RYR1: variants seen among roughly 807,000 people sequenced by gnomAD.
The protein encoded by RYR1 is central core disease of muscle.
In RYR1, 342 loss-of-function variants were observed where a neutral mutation model predicts 583.5. The ratio of observed to expected loss-of-function variants is 0.59; its 90% CI spans 0.54 to 0.64. The LOEUF is 0.64. RYR1 is among the 30% of genes least tolerant of loss of function. The pLI, the probability that RYR1 is intolerant of heterozygous loss-of-function variation, is 0.00. For synonymous variants in RYR1, 2,791 were observed against 2,822.5 expected, an observed-to-expected ratio of 0.99 and a Z score of 0.35; for missense variants, 6,032 against 6,917.2, an observed-to-expected ratio of 0.87 and a Z score of 4.54.
At chr19:38,457,003 G>A (rs1342908268) in intron 16 of RYR1, among the ~76,000 whole-genome samples, 10 of 118,544 alleles carry the variant, frequency 8.4e-5, no homozygotes, top group Non-Finnish European at 1.3e-4. Flanking sequence ...CTGAGATTGC[G>A]CCACTGCACT....
intron 76 of RYR1, among the ~76,000 whole-genome samples, 178 bp downstream of exon 76, chr19:38,529,235 A>C (rs756694347): frequency 1.2e-4 from 18 of 152,200 alleles, no homozygotes; most frequent in Non-Finnish European, 2.2e-4. Flanking sequence ...TAGTCCCAGC[A>C]ATCTGGGAGG....
At chr19:38,466,646 C>T (rs1178283724) in intron 24 of RYR1, among the ~76,000 whole-genome samples, 3 of 152,004 alleles carry the variant, frequency 2.0e-5, no homozygotes, top group Non-Finnish European at 4.4e-5. Context: ...GGATTACCGG[C>T]GGGTGCCACC....
intron 89 of RYR1, among the ~76,000 whole-genome samples, chr19:38,559,311 G>C (rs1408055927): frequency 7.0e-6 from 1 of 143,682 alleles, no homozygotes; most frequent in Non-Finnish European, 1.5e-5. Context: ...TTGGCTCACT[G>C]CAACATCCGC....
chr19:38,486,253 A>C (rs1474048700), intron 34 of RYR1, 51 bp downstream of exon 34: 1 of 1,610,798 alleles, frequency 6.2e-7, no homozygotes, highest in South Asian at 1.1e-5. Flanking sequence ...CCACATTCCC[A>C]AAACTCCAGA....
Position 38,573,307 on chromosome 19 carries a change from C to T in RYR1, c.14129C>T (p.Pro4710Leu), listed in dbSNP as rs370212445. ...GQWDRLVLNT[P>L]SFPSNYWDKF... ...TGGGACCGACTGGTGCTCAACACGC[C>T]GTAAGGACCCAGCCCCCACCTCAGG... The change falls in exon 96 of 106, where the codon CCG becomes CTG. Residue 4710 changes from proline (P) to leucine (L), a missense_variant and splice_region_variant. Pro to Leu is a moderately conservative substitution (Grantham distance 98). Transcript: ENST00000359596. 2.0e-5 allele frequency: 32 copies of T among 1,612,986 alleles called. No homozygotes were observed. The highest frequency in any genetic ancestry group is 2.5e-5 in the Non-Finnish European group (30 of 1,179,650).
intron 88 of RYR1, among the ~76,000 whole-genome samples, chr19:38,547,524 T>C (rs73032639): frequency 0.065 from 9,834 of 151,994 alleles, 442 homozygotes; most frequent in South Asian, 0.22. Context: ...GAAGTTTTAG[T>C]TGTGTAAGCC....
rs555185656 is a variant in RYR1, at chr19:38,515,007, C to G, written c.9473-19C>G. 2 of 1,598,026 alleles carry G rather than the reference C, an allele frequency of 1.3e-6. No homozygotes were observed. The highest frequency in any genetic ancestry group is 1.1e-5 in the South Asian group (1 of 90,506). ...GTCTTGTGAGCGCATGCCGCAGCCT[C>G]GCCCCCTGTCTCCCTCAGTGGACGA... On this transcript the variant is annotated intron_variant, in intron 63 of 105. Transcript: ENST00000359596.
chr19:38,472,131 C>T (rs774056966), intron 27 of RYR1, among the ~76,000 whole-genome samples: 1 of 152,086 alleles, frequency 6.6e-6, no homozygotes, highest in Non-Finnish European at 1.5e-5. Context: ...CTGGGTCTCA[C>T]TCTGTCACCC....
In RYR1 at chr19:38,496,970, C is replaced by CT. The variant is rs767720877; in HGVS notation, c.6891+17dup. On this transcript the variant is annotated intron_variant, in intron 42 of 105. Transcript: ENST00000359596. The surrounding 1 kb of genome is among the most constrained non-coding windows in gnomAD (Gnocchi z 4.8). ...CCTGGAAAAGGTGTGGAGGGCAGGG[C>CT]TGGGCCCCAGGCCTAAGGGAGGAAA... is the stretch of plus-strand genomic sequence containing the variant. The CT allele has an allele frequency of 6.2e-7, 1 of 1,606,638 alleles. No individual in the cohort carries two copies. Among genetic ancestry groups the CT allele is most frequent in the East Asian group, 2.2e-5 (1 of 44,856 alleles).
Position 38,565,691 on chromosome 19 carries a change from G to A in RYR1, c.13357G>A (p.Gly4453Ser). 2.8e-6 allele frequency: 4 copies of A among 1,410,092 alleles called. No individual in the cohort carries two copies. Among genetic ancestry groups the A allele is most frequent in the Non-Finnish European group, 3.7e-6 (4 of 1,090,762 alleles). The allele number at this position is 1,410,092 out of a possible 1,614,324, so 87.3% of individuals were successfully genotyped here. ...GGPFRPEGAG[G>S]LGDMGDTTPA... ...CCCCTTCCGGCCCGAAGGGGCTGGC[G>A]GTCTCGGGGACATGGGGGACACGAC... The change falls in exon 91 of 106, where the codon GGT (glycine) becomes AGT (serine). Residue 4453 changes from glycine (G) to serine (S), a missense_variant. By Grantham distance (56) the Gly-to-Ser change is moderately conservative. This residue lies in a region of RYR1 where 753 missense variants were observed against 759.6 expected (regional missense o/e 0.99). Coordinates refer to ENST00000359596, the MANE Select transcript of RYR1 (RefSeq NM_000540.3). The surrounding 1 kb of genome is among the most constrained non-coding windows in gnomAD (Gnocchi z 4.7).
rs771507958 is a variant in RYR1 at position 38,504,377 on chromosome 19, GC to G, written c.8067+21del. 6.2e-6 allele frequency: 10 copies of G among 1,611,996 alleles called. No homozygotes were observed. In the African/African-American group the frequency reaches 1.2e-4, roughly 19 times the overall value. The stretch of plus-strand genomic sequence containing the variant: ...GCCCATAAGGTCTGGGCAGCAGGGA[GC>G]CCCAAAATGGCCTATGTGGAGGGTT... On this transcript the variant is annotated intron_variant, in intron 50 of 105. Coordinates refer to ENST00000359596, the MANE Select transcript of RYR1 (RefSeq NM_000540.3).
chr19:38,561,711 T>G lies in RYR1; in HGVS notation c.12624+257T>G, dbSNP rs554932705. On this transcript the variant is annotated intron_variant, in intron 90 of 105. Coordinates refer to ENST00000359596, the MANE Select transcript of RYR1 (RefSeq NM_000540.3). This position sits in a 1 kb window ranked among gnomAD's most constrained non-coding sequence, Gnocchi z 4.8. ...CCTTGGGCATGAAGCAGGGTCAGTG[T>G]GTCCTGACTGTGGCTGCTCACACGC... Among the ~76,000 whole-genome samples, 1 of 152,280 alleles carries G rather than the reference T, an allele frequency of 6.6e-6. No homozygotes were observed. Among genetic ancestry groups the G allele is most frequent in the African/African-American group, 2.4e-5 (1 of 41,566 alleles).
At chr19:38,562,945 A>C (rs1457523998) in intron 90 of RYR1, among the ~76,000 whole-genome samples, 1 of 151,854 alleles carries the variant, frequency 6.6e-6, no homozygotes, top group Non-Finnish European at 1.5e-5. Context: ...CACTGCATAC[A>C]CACCCCCATC....
chr19:38,571,167 A>G (rs1973696263), intron 94 of RYR1, among the ~76,000 whole-genome samples: 2 of 152,196 alleles, frequency 1.3e-5, no homozygotes. Context: ...AGGGGTCTAG[A>G]TAACAGGACA....
At position 38,451,883 on chromosome 19, in the gene RYR1, C is replaced by G. The variant is rs562609515; in HGVS notation, c.1242C>G (p.Ile414Met). 1 of 1,614,138 alleles carries G rather than the reference C, an allele frequency of 6.2e-7. No homozygotes were observed. The highest frequency in any genetic ancestry group is 1.1e-5 in the South Asian group (1 of 91,076). The change falls in exon 12 of 106, where the codon ATC (isoleucine) becomes ATG (methionine). Residue 414 changes from isoleucine (I) to methionine (M), a missense_variant and splice_region_variant. Physicochemically the swap from Ile to Met is conservative, Grantham distance 10. Transcript: ENST00000359596. ...CCAATGGCCTATACAACCAGTTCAT[C>G]AAGTGAGCAACCTGCCCTCCCTGCT... ...HSTNGLYNQFIKSLDSFSGKP... is the reference protein window; with the variant it reads ...HSTNGLYNQFMKSLDSFSGKP...
In RYR1 at chr19:38,502,962, C is replaced by A; in HGVS notation, c.7918C>A (p.Pro2640Thr). The change falls in exon 49 of 106, where the codon CCA becomes ACA. Residue 2640 changes from proline (P) to threonine (T), a missense_variant. Physicochemically the swap from Pro to Thr is conservative, Grantham distance 38. Coordinates refer to ENST00000359596, the MANE Select transcript of RYR1 (RefSeq NM_000540.3). ...CATCCTCAACGAGTTCGCCAAGATGCCACTCAAGGTGAGGGCAAGCGCTCT... is the reference window on the plus strand; with the variant it reads ...CATCCTCAACGAGTTCGCCAAGATGACACTCAAGGTGAGGGCAAGCGCTCT... ...VPILNEFAKM[P>T]LKLLTNHYER... The A allele has an allele frequency of 6.2e-7, 1 of 1,609,368 alleles. No individual in the cohort carries two copies.
intron 93 of RYR1, 47 bp from the exon 94 acceptor site, chr19:38,570,560 A>C: frequency 3.1e-5 from 44 of 1,433,510 alleles, no homozygotes; most frequent in East Asian, 4.6e-5. Context: ...TCTCCAGGGA[A>C]GAGGCTGATC....
chr19:38,523,583 A>C (rs1600913642), intron 69 of RYR1: 20 of 554,044 alleles, frequency 3.6e-5, no homozygotes, highest in African/African-American at 1.1e-4. Flanking sequence ...CCCTCCTCCC[A>C]TTTCCCTCCT....
intron 21 of RYR1, 72 bp from the exon 22 acceptor site, chr19:38,463,675 G>T (rs1387457376): frequency 1.3e-5 from 19 of 1,511,344 alleles, no homozygotes; most frequent in Non-Finnish European, 9.2e-7. Context: ...GGAGGTCAGG[G>T]GTCATAGTCT....
Sources: gnomAD v4.1 joint callset for allele counts (sites outside exome capture counted in the v4.1 genomes callset) on GRCh38, gnomAD v4.1.1 for gene constraint, gnomAD v4.1.1 regional missense constraint, Gnocchi (gnomAD v3.1) non-coding constraint, MANE v1.5 for transcripts, NCBI Gene and HGNC (gene_info 2026-07-23, HGNC 2026-07-21) for gene names.